The following NF1 variants were observed in gnomAD, a reference collection of about 807,000 sequenced individuals.
The protein encoded by NF1 is neurofibromin.
NF1 carries 122 observed loss-of-function variants against 325.7 expected under a neutral mutation model. The observed-to-expected ratio is 0.37, with a 90% CI of 0.32 to 0.44. The LOEUF is 0.44. Ranked by LOEUF, NF1 falls within the 20% of genes least tolerant of loss-of-function variation. The pLI, the probability that NF1 is intolerant of heterozygous loss-of-function variation, is 1.00. For missense variants in NF1, 2,140 were observed against 3,415.4 expected, an observed-to-expected ratio of 0.63 and a Z score of 9.31; for synonymous variants, 1,091 against 1,186.0, an observed-to-expected ratio of 0.92 and a Z score of 1.65.
At chr17:31,159,176 C>G in intron 3 of NF1, 83 bp downstream of exon 3, 2 of 965,118 alleles carry the variant, frequency 2.1e-6, no homozygotes, top group Non-Finnish European at 3.4e-6. Flanking sequence ...AGATGTGGAC[C>G]AAGAGGACAG....
At chr17:31,096,997 G>A (rs898464056) in intron 1 of NF1, among the ~76,000 whole-genome samples, 1 of 152,188 alleles carries the variant, frequency 6.6e-6, no homozygotes, top group African/African-American at 2.4e-5. Flanking sequence ...GCTGAACCTT[G>A]TGGACAGCAG....
At chr17:31,313,926 A>G (rs534465728) in intron 36 of NF1, 1 of 397,364 alleles carries the variant, frequency 2.5e-6, no homozygotes, top group Non-Finnish European at 4.4e-6. Flanking sequence ...CAGTTTTTAA[A>G]ATAAATTTTA....
chr17:31,332,126 A>G (rs752191387), intron 39 of NF1, among the ~76,000 whole-genome samples: 20 of 152,044 alleles, frequency 1.3e-4, no homozygotes, highest in Non-Finnish European at 2.5e-4. Context: ...AGTGAAGATA[A>G]TTAAAAACTA....
At chr17:31,299,436 A>G (rs923502636) in intron 36 of NF1, 6 of 152,064 alleles carry the variant, frequency 3.9e-5, no homozygotes, top group African/African-American at 1.4e-4. Flanking sequence ...TGTCTAGGTC[A>G]GTAATGATAG....
chr17:31,320,282 G>C, intron 36 of NF1: 2 of 1,059,046 alleles, frequency 1.9e-6, no homozygotes, highest in Non-Finnish European at 1.3e-6. Flanking sequence ...AAATTGCCTG[G>C]TTAAGAACCC....
At chr17:31,200,212 A>G (rs2066501509) in intron 8 of NF1, among the ~76,000 whole-genome samples, 1 of 139,624 alleles carries the variant, frequency 7.2e-6, no homozygotes, top group Non-Finnish European at 1.6e-5. Flanking sequence ...TAATAATTCA[A>G]TAAAGAAAAT....
At chr17:31,318,392 C>G (rs1223770914) in intron 36 of NF1, 2 of 1,614,014 alleles carry the variant, frequency 1.2e-6, no homozygotes, top group South Asian at 2.2e-5. Flanking sequence ...GATTGCATCA[C>G]TAGGTTGGGT....
At position 31,343,056 on chromosome 17, in the gene NF1, C is replaced by T. The variant is rs201881479; in HGVS notation, c.7110C>T (p.His2370=). The change falls in exon 48 of 58, where the codon CAC becomes CAT. Residue 2370 remains histidine, a synonymous_variant. Coordinates refer to ENST00000358273, the MANE Select transcript of NF1 (RefSeq NM_001042492.3). ...FMAIRNPLEW[H]CKQMDHFVGL... ...CAATCCGGAATCCTCTGGAGTGGCA[C>T]TGCAAGCAAATGGATCATTTTGTTG... 26 of 1,614,058 alleles carry T rather than the reference C, an allele frequency of 1.6e-5. No homozygotes were observed. The East Asian group carries it at 4.9e-4, about 30-fold the overall frequency.
intron 48 of NF1, among the ~76,000 whole-genome samples, chr17:31,347,715 T>G (rs1277328628): frequency 6.7e-6 from 1 of 149,452 alleles, no homozygotes; most frequent in South Asian, 2.2e-4. Flanking sequence ...TTTAACACTT[T>G]AGTGGTGTTG....
At chr17:31,223,191 A>G (rs1302804275) in intron 15 of NF1, among the ~76,000 whole-genome samples, 1 of 152,218 alleles carries the variant, frequency 6.6e-6, no homozygotes, top group African/African-American at 2.4e-5. Context: ...ATACATGGAT[A>G]GAAACACTGG....
At chr17:31,365,998 G>T (rs1345382668) in intron 57 of NF1, among the ~76,000 whole-genome samples, 1 of 148,048 alleles carries the variant, frequency 6.8e-6, no homozygotes, top group African/African-American at 2.5e-5. Flanking sequence ...GCAGTGGCAC[G>T]ATCTCAGCTC....
At chr17:31,102,161 A>T (rs1339848852) in intron 1 of NF1, among the ~76,000 whole-genome samples, 2 of 152,210 alleles carry the variant, frequency 1.3e-5, no homozygotes, top group Admixed American at 6.5e-5. Context: ...ATACATATTT[A>T]TATTTCCTCC....
At chr17:31,243,528 C>CA (rs897674269) in intron 29 of NF1, among the ~76,000 whole-genome samples, 116 of 151,948 alleles carry the variant, frequency 7.6e-4, no homozygotes, top group African/African-American at 2.6e-3. Context: ...AGCTGTAAGA[C>CA]AAAGTCCTTC....
At position 31,095,012 on chromosome 17, in the gene NF1, G is replaced by A; in HGVS notation, c.-298G>A. The A allele has an allele frequency of 1.8e-6, 1 of 568,676 alleles. No homozygotes were observed. The highest frequency in any genetic ancestry group is 3.2e-5 in the Admixed American group (1 of 31,454). The allele number at this position is 568,676 out of a possible 1,614,324, so 35.2% of individuals were successfully genotyped here. On this transcript the variant is annotated 5_prime_UTR_variant, in exon 1 of 58. The change creates a new upstream start codon in the 5' untranslated region. Coordinates refer to ENST00000358273, the MANE Select transcript of NF1 (RefSeq NM_001042492.3). The stretch of plus-strand genomic sequence containing the variant: ...GGGTGTCATGGCGGCGTCTCGGACT[G>A]TGATGGCTGTGGGGAGACGGCGCTA...
intron 12 of NF1, among the ~76,000 whole-genome samples, chr17:31,209,166 A>G (rs1381065639): frequency 6.6e-6 from 1 of 152,104 alleles, no homozygotes; most frequent in Non-Finnish European, 1.5e-5. Context: ...GTCTCCAAAC[A>G]TTTCCAGATG....
At chr17:31,247,364 T>C (rs2067413177) in intron 29 of NF1, among the ~76,000 whole-genome samples, 1 of 152,146 alleles carries the variant, frequency 6.6e-6, no homozygotes, top group Non-Finnish European at 1.5e-5. Flanking sequence ...TCAGTTAATT[T>C]GGGGCATACT....
chr17:31,281,171 T>C (rs919787046), intron 36 of NF1, among the ~76,000 whole-genome samples: 1 of 152,238 alleles, frequency 6.6e-6, no homozygotes, highest in African/African-American at 2.4e-5. Context: ...GTCATTTTGG[T>C]AAGAGGCTAG....
intron 36 of NF1, among the ~76,000 whole-genome samples, chr17:31,280,217 T>TAA (rs201909323): frequency 6.9e-6 from 1 of 145,922 alleles, no homozygotes; most frequent in African/African-American, 2.7e-5. Context: ...TTAATTTTTT[T>TAA]TTTTTTTAAA....
intron 56 of NF1, 129 bp downstream of exon 56, chr17:31,359,144 T>A: frequency 3.7e-6 from 3 of 801,638 alleles, no homozygotes; most frequent in Non-Finnish European, 6.1e-6. Flanking sequence ...CATATGTTAC[T>A]TTTATAAAAA....
Sources: gnomAD v4.1 joint callset for allele counts (sites outside exome capture counted in the v4.1 genomes callset) on GRCh38, gnomAD v4.1.1 for gene constraint, MANE v1.5 for transcripts, NCBI Gene and HGNC (gene_info 2026-07-23, HGNC 2026-07-21) for gene names.